Variants in NAALADL2 observed in about 807,000 individuals in gnomAD.
The protein encoded by NAALADL2 is inactive N-acetylated-alpha-linked acidic dipeptidase-like protein 2.
A neutral mutation model predicts 87.2 loss-of-function variants in NAALADL2; 76 were observed. The ratio of observed to expected loss-of-function variants is 0.87; its 90% CI spans 0.72 to 1.05. The LOEUF (loss-of-function observed/expected upper bound fraction) is 1.05, where lower values mean the gene tolerates loss of function less well. Ranked by LOEUF, NAALADL2 falls within the 50% of genes least tolerant of loss-of-function variation. NAALADL2 has a pLI of 0.00. For missense variants in NAALADL2, 1,089 were observed against 945.8 expected (o/e 1.15, Z -1.99); for synonymous variants, 354 against 331.0 (o/e 1.07, Z -0.75).
At chr3:174,584,257 C>T (rs1425572713) in intron 2 of NAALADL2, among the ~76,000 whole-genome samples, 1 of 152,022 alleles carries the variant, frequency 6.6e-6, no homozygotes, top group Non-Finnish European at 1.5e-5. Flanking sequence ...ATCCAGAAAA[C>T]GTATGTCGAA....
At chr3:175,525,156 T>C (rs1355028924) in intron 9 of NAALADL2, among the ~76,000 whole-genome samples, 1 of 152,128 alleles carries the variant, frequency 6.6e-6, no homozygotes, top group Non-Finnish European at 1.5e-5. Flanking sequence ...AAATTTCCTA[T>C]TGCTTTTGAA....
intron 1 of NAALADL2, among the ~76,000 whole-genome samples, chr3:175,056,584 G>A (rs565070571): frequency 1.8e-4 from 27 of 152,264 alleles, no homozygotes; most frequent in African/African-American, 6.5e-4. Context: ...CAGAAATATA[G>A]AGGTGTGGAG....
chr3:174,974,828 A>G (rs904380318), intron 1 of NAALADL2, among the ~76,000 whole-genome samples: 3 of 152,042 alleles, frequency 2.0e-5, no homozygotes. Flanking sequence ...GAGGCAAAAT[A>G]TTGGAAGTAT....
At chr3:175,238,815 C>CT (rs1248046186) in intron 3 of NAALADL2, among the ~76,000 whole-genome samples, 4 of 152,098 alleles carry the variant, frequency 2.6e-5, no homozygotes, top group African/African-American at 9.7e-5. Flanking sequence ...AGGCATGCCT[C>CT]TTTTTTTGAT....
intron 1 of NAALADL2, among the ~76,000 whole-genome samples, chr3:174,933,978 A>C (rs1737294141): frequency 1.3e-5 from 2 of 152,198 alleles, no homozygotes; most frequent in South Asian, 4.1e-4. Context: ...TCTGAATCTC[A>C]GTTTCCTAAT....
chr3:175,481,720 G>A (rs1276167660), intron 9 of NAALADL2, among the ~76,000 whole-genome samples: 1 of 151,794 alleles, frequency 6.6e-6, no homozygotes, highest in African/African-American at 2.4e-5. Context: ...CAGATAAATT[G>A]TCCCGTGGTT....
chr3:174,557,811 A>C lies in NAALADL2; in HGVS notation c.-115+7174A>C, dbSNP rs532339025. 6.6e-5 allele frequency among the ~76,000 whole-genome samples: 10 copies of C among 152,226 alleles called. No individual in the cohort carries two copies. The South Asian group carries it at 2.1e-3, about 32-fold the overall frequency. ...CCAGACCCAGCATATAGTCATCCTC[A>C]TGTTATGAGCCATTACAGTGAAAAG... On this transcript the variant is annotated intron_variant, in intron 2 of 3. Coordinates refer to the NAALADL2 transcript ENST00000434257.
At chr3:174,465,428 A>C (rs1716478383) in intron 1 of NAALADL2, among the ~76,000 whole-genome samples, 1 of 152,210 alleles carries the variant, frequency 6.6e-6, no homozygotes, top group South Asian at 2.1e-4. Flanking sequence ...GAATTTCAAC[A>C]TCTTTTCTTA....
chr3:174,970,520 G>A (rs1743481832), intron 1 of NAALADL2, among the ~76,000 whole-genome samples: 1 of 152,144 alleles, frequency 6.6e-6, no homozygotes, highest in South Asian at 2.1e-4. Context: ...GAGCATTAGT[G>A]TAATTTTCAA....
intron 1 of NAALADL2, among the ~76,000 whole-genome samples, chr3:174,998,987 C>A (rs1234671280): frequency 6.6e-6 from 1 of 151,854 alleles, no homozygotes; most frequent in Admixed American, 6.6e-5. Flanking sequence ...CATTATCCTG[C>A]CTGAGAAATA....
At chr3:175,639,249 A>C (rs1728951653) in intron 11 of NAALADL2, among the ~76,000 whole-genome samples, 1 of 148,278 alleles carries the variant, frequency 6.7e-6, no homozygotes. Flanking sequence ...TAATTACTTC[A>C]CTTGTTCATA....
intron 2 of NAALADL2, among the ~76,000 whole-genome samples, chr3:175,154,523 TTACA>T (rs1231260229): frequency 3.3e-5 from 5 of 152,118 alleles, no homozygotes; most frequent in Non-Finnish European, 7.4e-5. Flanking sequence ...GTTACTAGGA[TTACA>T]TAAATTATTA....
intron 12 of NAALADL2, among the ~76,000 whole-genome samples, chr3:175,746,928 G>A (rs1746007657): frequency 6.6e-6 from 1 of 152,136 alleles, no homozygotes; most frequent in Non-Finnish European, 1.5e-5. Context: ...ATAAAATGGT[G>A]TAGTATTTGC....
chr3:175,236,719 T>C (rs2109534185), intron 3 of NAALADL2, among the ~76,000 whole-genome samples: 1 of 152,286 alleles, frequency 6.6e-6, no homozygotes, highest in Non-Finnish European at 1.5e-5. Flanking sequence ...TGTTGGGCCC[T>C]AGAGTTCCAC....
intron 10 of NAALADL2, among the ~76,000 whole-genome samples, chr3:175,601,861 G>C (rs911070852): frequency 6.6e-6 from 1 of 152,132 alleles, no homozygotes; most frequent in Admixed American, 6.6e-5. Flanking sequence ...TATGGCCATA[G>C]TTATATTGTA....
intron 2 of NAALADL2, chr3:174,551,018 A>C (rs1267532216): frequency 6.6e-6 from 1 of 151,960 alleles, no homozygotes; most frequent in African/African-American, 2.4e-5. Context: ...TTATACTTTA[A>C]GTTTTAGGGT....
At chr3:175,668,145 T>G (rs1452819374) in intron 11 of NAALADL2, among the ~76,000 whole-genome samples, 1 of 152,198 alleles carries the variant, frequency 6.6e-6, no homozygotes, top group Non-Finnish European at 1.5e-5. Context: ...TTTATTATTC[T>G]AATAATTACT....
At chr3:174,972,154 C>T (rs1743774144) in intron 1 of NAALADL2, among the ~76,000 whole-genome samples, 1 of 152,222 alleles carries the variant, frequency 6.6e-6, no homozygotes, top group East Asian at 1.9e-4. Context: ...GCCCCATAGG[C>T]CTTAAGTTTG....
At chr3:174,608,732 G>A (rs1224665388) in intron 2 of NAALADL2, among the ~76,000 whole-genome samples, 1 of 148,114 alleles carries the variant, frequency 6.8e-6, no homozygotes, top group African/African-American at 2.5e-5. Flanking sequence ...TCTACCAGAG[G>A]TACAAGGAGG....
Sources: gnomAD v4.1 joint callset for allele counts (sites outside exome capture counted in the v4.1 genomes callset) on GRCh38, gnomAD v4.1.1 for gene constraint, MANE v1.5 for transcripts, NCBI Gene and HGNC (gene_info 2026-07-23, HGNC 2026-07-21) for gene names.